FAM135A: variants seen among roughly 807,000 people sequenced by gnomAD.
FAM135A encodes the protein family with sequence similarity 135 member A.
Under a neutral mutation model 146.8 loss-of-function variants are expected in FAM135A, and 79 were observed. That is an observed-to-expected ratio of 0.54 (90% CI 0.45 to 0.65). The LOEUF (loss-of-function observed/expected upper bound fraction) is 0.65, where lower values mean the gene tolerates loss of function less well. Ranked by LOEUF, FAM135A falls within the 30% of genes least tolerant of loss-of-function variation. FAM135A has a pLI of 0.00. For synonymous variants in FAM135A, 562 were observed against 603.6 expected, an observed-to-expected ratio of 0.93 and a Z score of 1.01; for missense variants, 1,623 against 1,758.2, an observed-to-expected ratio of 0.92 and a Z score of 1.38.
intron 14 of FAM135A, 81 bp from the exon 15 acceptor site, chr6:70,524,262 T>TA: frequency 7.1e-7 from 1 of 1,402,072 alleles, no homozygotes; most frequent in Non-Finnish European, 9.4e-7. Context: ...TATTAGAAGT[T>TA]ATAGTTAGAA....
chr6:70,546,419 A>G (rs1486760947), intron 20 of FAM135A, among the ~76,000 whole-genome samples: 1 of 152,132 alleles, frequency 6.6e-6, no homozygotes, highest in Non-Finnish European at 1.5e-5. Context: ...AAATCCAGCC[A>G]TTTGCCCTTT....
intron 18 of FAM135A, among the ~76,000 whole-genome samples, chr6:70,535,534 G>A (rs1453073637): frequency 6.6e-6 from 1 of 152,088 alleles, no homozygotes; most frequent in African/African-American, 2.4e-5. Flanking sequence ...AGGGATCTAG[G>A]CTGTGTGTTC....
chr6:70,556,590 GAAC>G (rs1800883737), intron 20 of FAM135A, 157 bp from the exon 21 acceptor site: 2 of 535,182 alleles, frequency 3.7e-6, no homozygotes, highest in East Asian at 5.9e-5. Flanking sequence ...TTTTTGTAGA[GAAC>G]ATACAGAAAT....
Position 70,526,654 on chromosome 6 carries a change from T to C in FAM135A, c.3570T>C (p.Ser1190=). 6.2e-7 allele frequency: 1 copy of C among 1,607,058 alleles called. No homozygotes were observed. Among genetic ancestry groups the C allele is most frequent in the Non-Finnish European group, 8.5e-7 (1 of 1,177,338 alleles). ...GCAGTACTTCTTACAACTTCACTTC[T>C]TCGATTTCCTGGTATGAAAGTTCAC... ...QPSSTSYNFT[S]SISWYESSPK... Residue 1190 remains serine, a synonymous_variant, in exon 15 of 22, where the codon TCT becomes TCC. Transcript: ENST00000418814.
chr6:70,448,850 C>T (rs146670233), intron 4 of FAM135A, among the ~76,000 whole-genome samples: 1,539 of 152,342 alleles, frequency 0.01, 10 homozygotes, highest in Admixed American at 0.016. Flanking sequence ...ATTGCTCATG[C>T]TATTGTTTGT....
At chr6:70,487,013 G>A (rs749747610) in intron 10 of FAM135A, among the ~76,000 whole-genome samples, 40 of 145,278 alleles carry the variant, frequency 2.8e-4, no homozygotes, top group Non-Finnish European at 5.5e-4. Context: ...AACCCAGAAG[G>A]TGAAGGTTGC....
At chr6:70,539,285 G>A (rs1412755138) in intron 20 of FAM135A, among the ~76,000 whole-genome samples, 3 of 152,070 alleles carry the variant, frequency 2.0e-5, no homozygotes, top group East Asian at 3.9e-4. Flanking sequence ...GCTACAGAGT[G>A]GAGTTTGGCA....
intron 2 of FAM135A, among the ~76,000 whole-genome samples, chr6:70,417,083 C>G (rs1419431692): frequency 6.6e-6 from 1 of 151,906 alleles, no homozygotes; most frequent in Non-Finnish European, 1.5e-5. Flanking sequence ...GTAACTAACC[C>G]TTCAGGTAGT....
intron 12 of FAM135A, among the ~76,000 whole-genome samples, chr6:70,509,525 T>C (rs1790529313): frequency 1.3e-5 from 2 of 152,170 alleles, no homozygotes; most frequent in Non-Finnish European, 2.9e-5. Flanking sequence ...TATATTGTGC[T>C]CTTGGTTTTG....
intron 20 of FAM135A, among the ~76,000 whole-genome samples, chr6:70,553,134 C>G (rs775509281): frequency 1.1e-4 from 17 of 151,978 alleles, no homozygotes; most frequent in Non-Finnish European, 2.1e-4. Flanking sequence ...TTAGATAAAC[C>G]AGTGAACCAA....
chr6:70,487,357 A>G (rs1049110154), intron 10 of FAM135A, among the ~76,000 whole-genome samples: 6 of 152,112 alleles, frequency 3.9e-5, no homozygotes, highest in African/African-American at 1.4e-4. Context: ...TTTATTATCT[A>G]TGAGTATATT....
intron 5 of FAM135A, among the ~76,000 whole-genome samples, chr6:70,453,662 G>A (rs1296510342): frequency 6.6e-6 from 1 of 151,996 alleles, no homozygotes; most frequent in Non-Finnish European, 1.5e-5. Flanking sequence ...AGAACATGTG[G>A]TGTTTGGTTT....
Position 70,560,032 on chromosome 6 carries a change from T to G in FAM135A, c.*111T>G. ...AGTTCTAAGAAATATTTATACCTTT[T>G]TATATGGAAGATAATTTATATCATC... On this transcript the variant is annotated 3_prime_UTR_variant, in exon 22 of 22. Coordinates refer to ENST00000418814, the MANE Select transcript of FAM135A (RefSeq NM_001162529.3). 1.2e-6 allele frequency: 1 copy of G among 822,448 alleles called. No individual in the cohort carries two copies. Among genetic ancestry groups the G allele is most frequent in the Non-Finnish European group, 1.8e-6 (1 of 549,172 alleles). 50.9% of individuals were successfully genotyped at this position (822,448 alleles called of 1,614,324 possible).
chr6:70,419,116 A>T (rs973593124), intron 2 of FAM135A, among the ~76,000 whole-genome samples: 16 of 152,186 alleles, frequency 1.1e-4, no homozygotes, highest in African/African-American at 3.6e-4. Flanking sequence ...CATTCTCAAG[A>T]TTTCTAAGAG....
rs537055713 is a variant in FAM135A, at chr6:70,445,699, A to G, written c.78-6793A>G. ...TAAGAACGCTTTTAAGCAGTTTTCCACCCTGGGTGGGCCAGGTGTTCCTTG... is the reference window on the plus strand; with the variant it reads ...TAAGAACGCTTTTAAGCAGTTTTCCGCCCTGGGTGGGCCAGGTGTTCCTTG... On this transcript the variant is annotated intron_variant, in intron 4 of 21. Coordinates refer to ENST00000418814, the MANE Select transcript of FAM135A (RefSeq NM_001162529.3). 2.0e-5 allele frequency among the ~76,000 whole-genome samples: 3 copies of G among 152,276 alleles called. No homozygotes were observed. In the South Asian group the frequency reaches 6.2e-4, roughly 32 times the overall value.
chr6:70,551,891 T>A (rs953156569), intron 20 of FAM135A, among the ~76,000 whole-genome samples: 1 of 151,936 alleles, frequency 6.6e-6, no homozygotes, highest in Admixed American at 6.6e-5. Flanking sequence ...ATAACAGATA[T>A]AAAAATAATG....
intron 12 of FAM135A, among the ~76,000 whole-genome samples, chr6:70,509,980 C>T (rs1790627441): frequency 6.6e-6 from 1 of 152,074 alleles, no homozygotes; most frequent in African/African-American, 2.4e-5. Context: ...AAAAGAAATA[C>T]AATCTCAAAC....
intron 9 of FAM135A, among the ~76,000 whole-genome samples, chr6:70,481,648 T>TAAAAAA (rs10718433): frequency 7.6e-6 from 1 of 131,470 alleles, no homozygotes; most frequent in Non-Finnish European, 1.7e-5. Flanking sequence ...AAAAGAAAAT[T>TAAAAAA]AAAAAAAAAA....
intron 4 of FAM135A, among the ~76,000 whole-genome samples, chr6:70,444,245 A>T (rs563147091): frequency 1.3e-5 from 2 of 152,202 alleles, no homozygotes; most frequent in African/African-American, 4.8e-5. Flanking sequence ...TCTGCTAAAA[A>T]TACAAAAATT....
Sources: allele counts gnomAD v4.1 joint callset (sites outside exome capture counted in the v4.1 genomes callset), GRCh38; gene constraint gnomAD v4.1.1; transcripts MANE v1.5; gene names NCBI Gene and HGNC (gene_info 2026-07-23, HGNC 2026-07-21).